Variants in ERICH6 observed in about 807,000 individuals in gnomAD.
The protein encoded by ERICH6 is glutamate rich 6, also known as glutamate-rich protein 6.
In ERICH6, 71 loss-of-function variants were observed where a neutral mutation model predicts 71.0. The observed-to-expected ratio is 1.00, with a 90% confidence interval of 0.83 to 1.22. ERICH6 has a LOEUF of 1.22. Ranked by LOEUF, ERICH6 falls within the 50% of genes most tolerant of loss-of-function variation. ERICH6 has a pLI of 0.00. For synonymous variants in ERICH6, 262 were observed against 278.4 expected, an observed-to-expected ratio of 0.94 and a Z score of 0.59; for missense variants, 808 against 797.2, an observed-to-expected ratio of 1.01 and a Z score of -0.16.
rs760333454 is a variant in ERICH6, at chr3:150,685,789, T to C, written c.736A>G (p.Ile246Val). ...GAGCTCTCTTCTTTGTATGCCAGAA[T>C]GGATGGTGGTCCGATGCTGGGTAAC... ...RTLPSIGPPSILAYKEESSNL... is the reference protein window; with the variant it reads ...RTLPSIGPPSVLAYKEESSNL... The change falls in exon 6 of 14, where the codon ATT becomes GTT. Residue 246 changes from isoleucine to valine, a missense_variant. Around this residue, in one of 3 missense-constraint regions of ERICH6, gnomAD observed 736 missense variants for 712.2 expected, o/e 1.03. Coordinates refer to ENST00000295910, the MANE Select transcript of ERICH6 (RefSeq NM_152394.5). The C allele has an allele frequency of 1.2e-6, 2 of 1,614,192 alleles. No individual in the cohort carries two copies. The highest frequency in any genetic ancestry group is 1.7e-6 in the Non-Finnish European group (2 of 1,180,032).
intron 13 of ERICH6, among the ~76,000 whole-genome samples, chr3:150,663,906 G>T (rs969745556): frequency 6.6e-6 from 1 of 152,174 alleles, no homozygotes; most frequent in Middle Eastern, 3.4e-3. Context: ...GCATGCAGAT[G>T]ATATTTAAGG....
intron 6 of ERICH6, among the ~76,000 whole-genome samples, chr3:150,683,124 T>C (rs996620099): frequency 6.6e-6 from 1 of 152,118 alleles, no homozygotes; most frequent in African/African-American, 2.4e-5. Flanking sequence ...TCTCTGAGAC[T>C]GGCAAAAATG....
At chr3:150,686,670 C>A (rs1287689949) in intron 3 of ERICH6, among the ~76,000 whole-genome samples, 2 of 152,212 alleles carry the variant, frequency 1.3e-5, no homozygotes. Flanking sequence ...CCAAACCCTA[C>A]TATGCACAAA....
intron 3 of ERICH6, among the ~76,000 whole-genome samples, chr3:150,691,005 T>G (rs966493103): frequency 6.6e-6 from 1 of 152,198 alleles, no homozygotes; most frequent in Non-Finnish European, 1.5e-5. Flanking sequence ...AAAGCTAAAC[T>G]CTAAACTAAT....
intron 3 of ERICH6, 55 bp downstream of exon 3, chr3:150,698,736 A>G (rs1283674522): frequency 7.0e-7 from 1 of 1,438,150 alleles, no homozygotes; most frequent in Non-Finnish European, 9.8e-7. Context: ...CACCTGTGAT[A>G]TTTCCAACAT....
chr3:150,689,467 T>C (rs766851467), intron 3 of ERICH6, among the ~76,000 whole-genome samples: 2 of 152,204 alleles, frequency 1.3e-5, no homozygotes, highest in Non-Finnish European at 2.9e-5. Context: ...TTGGTACTTC[T>C]GAAATAGCAG....
rs368768351 is a variant in ERICH6 at position 150,688,308 on chromosome 3, T to C, written c.554-1954A>G. Among the ~76,000 whole-genome samples, 3 of 152,198 alleles carry C rather than the reference T, an allele frequency of 2.0e-5. No individual in the cohort carries two copies. The East Asian group carries it at 5.8e-4, about 29-fold the overall frequency. ...GTTTTTATTAATACATTATTTGTTA[T>C]AGGGAAGAGCTCAAAAAAAGCAAAA... On this transcript the variant is annotated intron_variant, in intron 3 of 13. Coordinates refer to ENST00000295910, the MANE Select transcript of ERICH6 (RefSeq NM_152394.5).
At chr3:150,661,661 A>G (rs1727228109) in intron 13 of ERICH6, among the ~76,000 whole-genome samples, 1 of 152,210 alleles carries the variant, frequency 6.6e-6, no homozygotes, top group Non-Finnish European at 1.5e-5. Flanking sequence ...AGTTAATTCT[A>G]TGCATATTAT....
Position 150,682,235 on chromosome 3 carries a change from A to T in ERICH6, c.865T>A (p.Ser289Thr), listed in dbSNP as rs2108060832. The T allele has an allele frequency of 1.2e-6, 2 of 1,613,956 alleles. No individual in the cohort carries two copies. Among genetic ancestry groups the T allele is most frequent in the East Asian group, 4.5e-5 (2 of 44,886 alleles). ...GAACTTACATGCCCTTTTGGTTCAG[A>T]GGAAACATCCACATTAGAAAAAAAT... The part of the protein sequence containing the change: ...RAFFSNVDVS[S>T]EPKGHASCCI... The change falls in exon 7 of 14, where the codon TCT becomes ACT. Residue 289 changes from serine to threonine, a missense_variant. This residue lies in a region of ERICH6 where 736 missense variants were observed against 712.2 expected (regional missense o/e 1.03). Transcript: ENST00000295910.
At chr3:150,678,292 T>C (rs892024053) in intron 10 of ERICH6, 117 bp downstream of exon 10, 1 of 975,210 alleles carries the variant, frequency 1.0e-6, no homozygotes, top group African/African-American at 1.7e-5. Context: ...TCTGTACCAA[T>C]TCTTTTTGAC....
chr3:150,700,768 G>A lies in ERICH6; in HGVS notation c.461+1353C>T, dbSNP rs146407615. 5.3e-3 allele frequency among the ~76,000 whole-genome samples: 809 copies of A among 152,156 alleles called. 7 individuals carry two copies. Among genetic ancestry groups the A allele is most frequent in the African/African-American group, 0.018 (761 of 41,516 alleles). ...CCGGCTAATTTTTGTATTTTTAGTA[G>A]AGACAGGGCTTCACTATGTTGGCCA... On this transcript the variant is annotated intron_variant, in intron 2 of 13. Coordinates refer to ENST00000295910, the MANE Select transcript of ERICH6 (RefSeq NM_152394.5).
chr3:150,680,713 C>G, intron 8 of ERICH6, 60 bp downstream of exon 8: 1 of 1,562,874 alleles, frequency 6.4e-7, no homozygotes, highest in Admixed American at 2.0e-5. Flanking sequence ...GGTTCATTTA[C>G]AAAACGAGCT....
In ERICH6 at chr3:150,673,938, C is replaced by G. The variant is rs1559912227; in HGVS notation, c.1343+18G>C. 6.2e-7 allele frequency: 1 copy of G among 1,607,498 alleles called. No individual in the cohort carries two copies. Among genetic ancestry groups the G allele is most frequent in the Non-Finnish European group, 8.5e-7 (1 of 1,176,434 alleles). Reference sequence around the variant, plus strand: ...GAAGTAATAAAGCTAATAAAAATAACTTGTTGAAAGAGGATACAATATTTG... The same window carrying G: ...GAAGTAATAAAGCTAATAAAAATAAGTTGTTGAAAGAGGATACAATATTTG... On this transcript the variant is annotated intron_variant, in intron 11 of 13. Coordinates refer to ENST00000295910, the MANE Select transcript of ERICH6 (RefSeq NM_152394.5).
In ERICH6 at chr3:150,680,901, C is replaced by T. The variant is rs1418375266; in HGVS notation, c.912G>A (p.Leu304=). The T allele has an allele frequency of 3.1e-6, 5 of 1,611,500 alleles. No individual in the cohort carries two copies. Among genetic ancestry groups the T allele is most frequent in the East Asian group, 4.5e-5 (2 of 44,878 alleles). The change falls in exon 8 of 14, where the codon CTG becomes CTA. Residue 304 remains leucine, a synonymous_variant. Coordinates refer to ENST00000295910, the MANE Select transcript of ERICH6 (RefSeq NM_152394.5). ...HASCCIAFQN[L]IDYIYEEQIK... ...TTTGCTCCTCATAGATATAGTCAAT[C>T]AGATTTTGGAAAGCAATACAACAGG...
intron 3 of ERICH6, among the ~76,000 whole-genome samples, chr3:150,691,575 T>C (rs56009154): frequency 0.2 from 30,537 of 152,056 alleles, 3,500 homozygotes; most frequent in East Asian, 0.35. Context: ...GAGAAAGGGA[T>C]GTTCAGGACA....
intron 6 of ERICH6, among the ~76,000 whole-genome samples, chr3:150,683,940 G>GTGCCA (rs758825742): frequency 2.6e-4 from 39 of 152,242 alleles, no homozygotes; most frequent in Non-Finnish European, 4.4e-4. Context: ...CCTCGTCCAA[G>GTGCCA]TGCCAGTTCA....
chr3:150,691,677 T>C (rs1712438442), intron 3 of ERICH6, among the ~76,000 whole-genome samples: 1 of 152,074 alleles, frequency 6.6e-6, no homozygotes, highest in Non-Finnish European at 1.5e-5. Flanking sequence ...GTTGCCATAT[T>C]ATTATTAAGT....
chr3:150,695,271 C>A (rs186680495), intron 3 of ERICH6, among the ~76,000 whole-genome samples: 23 of 152,206 alleles, frequency 1.5e-4, no homozygotes, highest in African/African-American at 5.5e-4. Context: ...TAAGGAAGTA[C>A]GGCAAGGGGG....
chr3:150,697,038 A>G (rs1406248488), intron 3 of ERICH6, among the ~76,000 whole-genome samples: 3 of 152,212 alleles, frequency 2.0e-5, no homozygotes, highest in Non-Finnish European at 4.4e-5. Flanking sequence ...ATAATTGTAC[A>G]TCTGTACTAT....
Sources: gnomAD v4.1 joint callset for allele counts (sites outside exome capture counted in the v4.1 genomes callset) on GRCh38, gnomAD v4.1.1 for gene constraint, gnomAD v4.1.1 regional missense constraint, MANE v1.5 for transcripts, NCBI Gene and HGNC (gene_info 2026-07-23, HGNC 2026-07-21) for gene names.